The following PPP2R1B variants were observed in gnomAD, a reference collection of about 807,000 sequenced individuals.
The protein encoded by PPP2R1B is serine/threonine-protein phosphatase 2A 65 kDa regulatory subunit A beta isoform.
In PPP2R1B, 58 loss-of-function variants were observed where a neutral mutation model predicts 72.7. The observed-to-expected ratio is 0.80, with a 90% CI of 0.65 to 0.99. PPP2R1B has a LOEUF of 0.99. Ranked by LOEUF, PPP2R1B falls within the 50% of genes least tolerant of loss-of-function variation. The pLI, the probability that PPP2R1B is intolerant of heterozygous loss-of-function variation, is 0.00. For synonymous variants in PPP2R1B, 256 were observed against 264.6 expected (o/e 0.97, Z 0.32); for missense variants, 695 against 733.6 (o/e 0.95, Z 0.61).
chr11:111,749,174 T>C (rs1555047187), intron 10 of PPP2R1B, among the ~76,000 whole-genome samples: 1 of 151,990 alleles, frequency 6.6e-6, no homozygotes, highest in African/African-American at 2.4e-5. Context: ...AAGATCATAA[T>C]GAACAAATTT....
At chr11:111,722,513 T>C (rs1054014638), downstream of PPP2R1B, 35 of 708,032 alleles carry the variant, frequency 4.9e-5, no homozygotes, top group South Asian at 5.1e-4. This position sits in a 1 kb window ranked among gnomAD's most constrained non-coding sequence, Gnocchi z 4.4. Context: ...CGATGCTCTT[T>C]CAGGGTCTCA....
intron 5 of PPP2R1B, 145 bp from the exon 6 acceptor site, chr11:111,755,595 T>TC (rs1391330202): frequency 2.1e-5 from 15 of 710,194 alleles, no homozygotes; most frequent in Non-Finnish European, 2.8e-5. Flanking sequence ...TTTTTCTTTT[T>TC]TTTTTTTTTT....
chr11:111,706,410 C>A, the PPP2R1B span, among the ~76,000 whole-genome samples: 1 of 152,048 alleles, frequency 6.6e-6, no homozygotes, highest in Admixed American at 6.6e-5. Context: ...ATTTGGGAAT[C>A]ATCCAGAGGT....
chr11:111,760,291 T>C (rs1945277622), intron 4 of PPP2R1B, among the ~76,000 whole-genome samples: 1 of 152,056 alleles, frequency 6.6e-6, no homozygotes, highest in Non-Finnish European at 1.5e-5. Flanking sequence ...TCAAGTGAAC[T>C]CCCACCTCAG....
chr11:111,766,275 G>C lies in PPP2R1B; in HGVS notation c.87C>G (p.Ile29Met), dbSNP rs1555053132. 1 of 1,613,608 alleles carries C rather than the reference G, an allele frequency of 6.2e-7. No homozygotes were observed. The highest frequency in any genetic ancestry group is 2.2e-5 in the East Asian group (1 of 44,866). ...DDSLYPIAVL[I>M]DELRNEDVQL... ...GCACGTCTTCATTGCGGAGCTCGTC[G>C]ATTAAAACCGCGATCGGGTATAGCG... Residue 29 changes from isoleucine to methionine, a missense_variant, in exon 1 of 15, where the codon ATC (isoleucine) becomes ATG (methionine). By Grantham distance (10) the Ile-to-Met change is conservative (BLOSUM62 1). Coordinates refer to ENST00000527614, the MANE Select transcript of PPP2R1B (RefSeq NM_002716.5).
rs1944938033 is a variant in PPP2R1B, at chr11:111,752,295, T to C, written c.1202A>G (p.Asp401Gly). ...GATTCCAATCACTTCATTTACACAATCCAAATTGGAGATGATATTCAAACG... is the reference window on the plus strand; with the variant it reads ...GATTCCAATCACTTCATTTACACAACCCAAATTGGAGATGATATTCAAACG... ...DVRLNIISNL[D>G]CVNEVIGIRQ... is the part of the protein sequence containing the mutation. Residue 401 changes from aspartate (D) to glycine (G), a missense_variant, in exon 10 of 15, where the codon GAT (aspartate) becomes GGT (glycine). Asp to Gly is a moderately conservative substitution (Grantham distance 94). Transcript: ENST00000527614. 1.9e-6 allele frequency: 3 copies of C among 1,613,176 alleles called. No individual in the cohort carries two copies. Among genetic ancestry groups the C allele is most frequent in the East Asian group, 4.5e-5 (2 of 44,820 alleles).
chr11:111,701,697 G>T, the PPP2R1B span: 1 of 1,286,450 alleles, frequency 7.8e-7, no homozygotes, highest in Non-Finnish European at 1.1e-6. This position sits in a 1 kb window ranked among gnomAD's most constrained non-coding sequence, Gnocchi z 4.2. Context: ...TGAGCTGTAG[G>T]TTAAAAGCTA....
chr11:111,703,057 C>T, the PPP2R1B span: 52 of 652,854 alleles, frequency 8.0e-5, 2 homozygotes, highest in South Asian at 9.7e-4. Context: ...AAGTAGCCTG[C>T]ATGTGTTCAT....
chr11:111,691,912 A>G, the PPP2R1B span, among the ~76,000 whole-genome samples: 2 of 152,216 alleles, frequency 1.3e-5, no homozygotes, highest in Non-Finnish European at 2.9e-5. Flanking sequence ...TTAAGTTAAT[A>G]TAACACAAAA....
At chr11:111,707,223 C>G in the PPP2R1B span, among the ~76,000 whole-genome samples, 2 of 152,188 alleles carry the variant, frequency 1.3e-5, no homozygotes, top group African/African-American at 4.8e-5. Context: ...CCTGCCAAGT[C>G]TCTTTATTCT....
Position 111,764,816 on chromosome 11 carries a change from G to T in PPP2R1B, c.295C>A (p.His99Asn). The part of the protein sequence containing the change: ...TGLVGGPDFA[H>N]CLLPPLENLA... The stretch of plus-strand genomic sequence containing the variant: ...TTATAAATACTCACCAGCAGACAGT[G>T]GGCAAAGTCAGGACCTCCCACTAGG... Residue 99 changes from histidine to asparagine, a missense_variant, in exon 3 of 15, where the codon CAC becomes AAC. By Grantham distance (68) the His-to-Asn change is moderately conservative. Transcript: ENST00000527614. The T allele has an allele frequency of 6.2e-7, 1 of 1,613,976 alleles. No homozygotes were observed. The highest frequency in any genetic ancestry group is 8.5e-7 in the Non-Finnish European group (1 of 1,179,974).
chr11:111,691,786 T>C, the PPP2R1B span, among the ~76,000 whole-genome samples: 1 of 152,232 alleles, frequency 6.6e-6, no homozygotes, highest in Non-Finnish European at 1.5e-5. Context: ...AAGCTTCTAC[T>C]CTGCTCTTGG....
At chr11:111,691,368 C>G in the PPP2R1B span, among the ~76,000 whole-genome samples, 1 of 152,180 alleles carries the variant, frequency 6.6e-6, no homozygotes, top group Admixed American at 6.5e-5. Flanking sequence ...TAGATACTTA[C>G]TTCATCTTCA....
the PPP2R1B span, among the ~76,000 whole-genome samples, chr11:111,701,911 T>C: frequency 6.6e-6 from 1 of 152,218 alleles, no homozygotes; most frequent in South Asian, 2.1e-4. The surrounding 1 kb of genome is among the most constrained non-coding windows in gnomAD (Gnocchi z 4.2). Context: ...AAATGAACTT[T>C]ATAAAATTAA....
chr11:111,692,607 T>G, the PPP2R1B span, among the ~76,000 whole-genome samples: 1 of 152,142 alleles, frequency 6.6e-6, no homozygotes, highest in Admixed American at 6.5e-5. Flanking sequence ...TGGATTCCAA[T>G]GTCTTTAAAG....
rs1944486585 is a variant in PPP2R1B, at chr11:111,740,648, T to A, written c.*948A>T. On this transcript the variant is annotated 3_prime_UTR_variant, in exon 15 of 15. Transcript: ENST00000527614. The stretch of plus-strand genomic sequence containing the variant: ...AATGATAAGACTCCAGTATCACCCA[T>A]ACTAAAAACTTAGCAATAAAACTGC... The A allele has an allele frequency of 1.0e-6, 1 of 985,190 alleles. No individual in the cohort carries two copies. The allele number at this position is 985,190 out of a possible 1,614,324, so 61.0% of individuals were successfully genotyped here.
Position 111,742,081 on chromosome 11 carries a change from G to A in PPP2R1B, c.1761C>T (p.Val587=). The part of the protein sequence containing the change: ...QKLGQDEDMD[V]KYFAQEAISV... ...TTATAGCTTCCTGTGCAAAGTATTT[G>A]ACATCCATGTCTTCATCTTGACCTA... The change falls in exon 14 of 15, where the codon GTC becomes GTT. Residue 587 remains valine (V), a synonymous_variant. Coordinates refer to ENST00000527614, the MANE Select transcript of PPP2R1B (RefSeq NM_002716.5). 6.2e-7 allele frequency: 1 copy of A among 1,613,808 alleles called. No homozygotes were observed. Among genetic ancestry groups the A allele is most frequent in the Non-Finnish European group, 8.5e-7 (1 of 1,179,766 alleles).
rs555665902 is a variant in PPP2R1B, at chr11:111,739,406, A to G, written c.*2190T>C. ...ACATGGCCAAGTTATGAGCCAAAGC[A>G]CAATTCCTCTGAAGAGTACCAAAAC... On this transcript the variant is annotated 3_prime_UTR_variant, in exon 15 of 15. Transcript: ENST00000527614. The G allele has an allele frequency of 8.4e-5, 83 of 985,270 alleles. No homozygotes were observed. The highest frequency in any genetic ancestry group is 9.9e-5 in the Non-Finnish European group (82 of 829,906). The allele number at this position is 985,270 out of a possible 1,614,324, so 61.0% of individuals were successfully genotyped here. A position where few individuals can be genotyped will look rare whatever the true frequency, so the allele number is the denominator to read the frequency against.
At chr11:111,715,728 A>G in the PPP2R1B span, among the ~76,000 whole-genome samples, 2 of 151,780 alleles carry the variant, frequency 1.3e-5, no homozygotes, top group African/African-American at 4.8e-5. Context: ...ATCTACTTCA[A>G]GTATCTCTTT....
Sources: allele counts gnomAD v4.1 joint callset (sites outside exome capture counted in the v4.1 genomes callset), GRCh38; gene constraint gnomAD v4.1.1; non-coding constraint Gnocchi (gnomAD v3.1); transcripts MANE v1.5; gene names NCBI Gene and HGNC (gene_info 2026-07-23, HGNC 2026-07-21).